NOD2: variants seen among roughly 807,000 people sequenced by gnomAD.
NOD2 encodes the protein nucleotide binding oligomerization domain containing 2.
Under a neutral mutation model 90.9 loss-of-function variants are expected in NOD2, and 86 were observed. That is an observed-to-expected ratio of 0.95 (90% CI 0.79 to 1.13). NOD2 has a LOEUF of 1.13. Among genes scored for constraint, NOD2 ranks in the 50% most tolerant of loss-of-function variants. The probability of loss-of-function intolerance (pLI) is 0.00; values close to 1 mark genes in which losing one functional copy is unlikely to be tolerated. For synonymous variants in NOD2, 581 were observed against 554.6 expected, an observed-to-expected ratio of 1.05 and a Z score of -0.67; for missense variants, 1,238 against 1,283.8, an observed-to-expected ratio of 0.96 and a Z score of 0.55.
chr16:50,712,067 T>TC lies in NOD2; in HGVS notation c.2077dup (p.His693ProfsTer10). On this transcript the variant is annotated frameshift_variant, in exon 4 of 12. Coordinates refer to ENST00000647318, the MANE Select transcript of NOD2 (RefSeq NM_001370466.1). LOFTEE classifies it high-confidence loss of function. ...CTGGCCCGCAGCCTCCGCAAGCACT[T>TC]CCACTCCATCCCGCCAGCTGCACCG... 1 of 1,613,408 alleles carries TC rather than the reference T, an allele frequency of 6.2e-7. No homozygotes were observed. The highest frequency in any genetic ancestry group is 2.2e-5 in the East Asian group (1 of 44,886).
Position 50,716,670 on chromosome 16 carries a change from C to G in NOD2, c.2465C>G (p.Ala822Gly), listed in dbSNP as rs104895486. The change falls in exon 5 of 12, where the codon GCT becomes GGT. Residue 822 changes from alanine (A) to glycine (G), a missense_variant and splice_region_variant. Physicochemically the swap from Ala to Gly is moderately conservative, Grantham distance 60. Transcript: ENST00000647318. ...ALHCEQLQKL[A>G]LFNNKLTDGC... ...CACTGCGAGCAATTGCAGAAGTTAG[C>G]GTAAGTCAGCCTGGGCTGTGGACAA... The G allele has an allele frequency of 6.2e-7, 1 of 1,613,900 alleles. No individual in the cohort carries two copies. The highest frequency in any genetic ancestry group is 1.1e-5 in the South Asian group (1 of 91,060).
At chr16:50,714,602 C>CTGTGTGTGTGTGTGTGTGTGTG (rs67559630) in intron 4 of NOD2, among the ~76,000 whole-genome samples, 1 of 135,896 alleles carries the variant, frequency 7.4e-6, no homozygotes, top group East Asian at 2.2e-4. Flanking sequence ...TGTGAGTGCA[C>CTGTGTGTGTGTGTGTGTGTGTG]TGTGTGTGTG....
intron 6 of NOD2, chr16:50,719,663 C>G: frequency 1.6e-6 from 1 of 616,108 alleles, no homozygotes; most frequent in Admixed American, 2.1e-5. Context: ...CCCAGGACAG[C>G]TGCCTACTGT....
intron 3 of NOD2, among the ~76,000 whole-genome samples, chr16:50,709,201 G>C (rs1036029804): frequency 3.3e-5 from 5 of 152,192 alleles, no homozygotes; most frequent in African/African-American, 1.2e-4. Context: ...GGTATATTCA[G>C]AGGGCAGAAA....
At chr16:50,715,420 CT>C (rs67189633) in intron 4 of NOD2, among the ~76,000 whole-genome samples, 50,187 of 146,572 alleles carry the variant, frequency 0.34, 8,775 homozygotes, top group Non-Finnish European at 0.39. Flanking sequence ...ATTGTTCCCT[CT>C]TTTTTTTTTT....
Position 50,729,856 on chromosome 16 carries a change from C to G in NOD2, c.2924C>G (p.Ala975Gly). ...NNCITYLGAE[A>G]LLQALERNDT... ...TGCATCACCTACCTAGGGGCAGAAG[C>G]CCTCCTGCAGGCCCTTGAAAGGAAT... Residue 975 changes from alanine to glycine, a missense_variant, in exon 11 of 12, where the codon GCC becomes GGC. Coordinates refer to ENST00000647318, the MANE Select transcript of NOD2 (RefSeq NM_001370466.1). The G allele has an allele frequency of 1.2e-6, 2 of 1,613,114 alleles. No homozygotes were observed. The highest frequency in any genetic ancestry group is 8.5e-7 in the Non-Finnish European group (1 of 1,179,248).
chr16:50,719,863 A>C, intron 6 of NOD2, 62 bp from the exon 7 acceptor site: 1 of 1,466,424 alleles, frequency 6.8e-7, no homozygotes. Flanking sequence ...GCCAGGGCAC[A>C]GACGGCCCTC....
intron 11 of NOD2, among the ~76,000 whole-genome samples, chr16:50,731,433 G>T (rs1481364286): frequency 1.3e-5 from 2 of 152,180 alleles, no homozygotes; most frequent in Non-Finnish European, 2.9e-5. Context: ...GGGCACCAGG[G>T]TTTGCTCATT....
intron 4 of NOD2, among the ~76,000 whole-genome samples, chr16:50,714,127 C>G (rs1056650734): frequency 6.6e-6 from 1 of 152,232 alleles, no homozygotes; most frequent in Non-Finnish European, 1.5e-5. Context: ...CCAGGCATCA[C>G]TGGCCTGTGT....
At chr16:50,708,022 G>A (rs977170173) in intron 3 of NOD2, 62 bp downstream of exon 3, 68 of 1,149,652 alleles carry the variant, frequency 5.9e-5, no homozygotes, top group Non-Finnish European at 4.4e-5. Flanking sequence ...CCATGGTTAA[G>A]AGCAGAACAC....
At chr16:50,723,073 G>A (rs1399493620) in intron 8 of NOD2, among the ~76,000 whole-genome samples, 8 of 83,476 alleles carry the variant, frequency 9.6e-5, no homozygotes, top group Non-Finnish European at 1.5e-4. Context: ...AATTAGTGAT[G>A]TCTAAAAAAG....
intron 3 of NOD2, among the ~76,000 whole-genome samples, chr16:50,708,431 A>T (rs1964301748): frequency 6.6e-6 from 1 of 152,110 alleles, no homozygotes; most frequent in Non-Finnish European, 1.5e-5. Flanking sequence ...AGGGGCTTGG[A>T]CCGCACCACT....
intron 2 of NOD2, among the ~76,000 whole-genome samples, chr16:50,703,173 G>A (rs1285993009): frequency 6.6e-6 from 1 of 152,190 alleles, no homozygotes; most frequent in Non-Finnish European, 1.5e-5. Context: ...GCCAGTACCT[G>A]GGGCCTTCTT....
chr16:50,708,643 G>A (rs1200682475), intron 3 of NOD2, among the ~76,000 whole-genome samples: 2 of 152,224 alleles, frequency 1.3e-5, no homozygotes, highest in Non-Finnish European at 2.9e-5. Context: ...AGAAATGTCA[G>A]TTGTAAAGAG....
intron 5 of NOD2, 38 bp downstream of exon 5, chr16:50,716,708 G>A (rs1323112504): frequency 6.3e-7 from 1 of 1,599,688 alleles, no homozygotes; most frequent in Admixed American, 1.7e-5. Context: ...GGCTCCAAGT[G>A]CCCTGGTCTC....
In NOD2 at chr16:50,710,563, A is replaced by G. The variant is rs1157758358; in HGVS notation, c.571A>G (p.Thr191Ala). Residue 191 changes from threonine (T) to alanine (A), a missense_variant, in exon 4 of 12, where the codon ACA becomes GCA. Physicochemically the swap from Thr to Ala is moderately conservative, Grantham distance 58. Coordinates refer to ENST00000647318, the MANE Select transcript of NOD2 (RefSeq NM_001370466.1). Reference protein sequence around the residue: ...VPLALPLEAATCKKYMAKLRT... With the variant: ...VPLALPLEAAACKKYMAKLRT... ...CCTCTTCTTCTGCCTTCCAGCTGCC[A>G]CATGCAAGAAGTATATGGCCAAGCT... 3 of 1,614,166 alleles carry G rather than the reference A, an allele frequency of 1.9e-6. No individual in the cohort carries two copies.
At chr16:50,694,212 T>G (rs150194835) in intron 1 of NOD2, among the ~76,000 whole-genome samples, 1 of 152,218 alleles carries the variant, frequency 6.6e-6, no homozygotes. Context: ...GGGGAGGACC[T>G]CCTGAAGCTG....
rs886052044 is a variant in NOD2 at position 50,719,926 on chromosome 16, C to T, written c.2551C>T (p.Leu851=). The change falls in exon 7 of 12, where the codon CTG becomes TTG. Residue 851 remains leucine, a splice_region_variant and synonymous_variant. Transcript: ENST00000647318. ...ACRQNFLALR[L]GNNYITAAGA... is the part of the protein sequence containing the mutation. ...AGCCTCCTCTGTCTTCCCTTCCAGG[C>T]TGGGGAATAACTACATCACTGCCGC... 1 of 1,614,094 alleles carries T rather than the reference C, an allele frequency of 6.2e-7. No individual in the cohort carries two copies.
chr16:50,694,142 C>T (rs1173121857), intron 1 of NOD2, among the ~76,000 whole-genome samples: 1 of 152,154 alleles, frequency 6.6e-6, no homozygotes, highest in Non-Finnish European at 1.5e-5. Flanking sequence ...GTTGATGGAG[C>T]AGCCATCTGG....
Sources: allele counts gnomAD v4.1 joint callset (sites outside exome capture counted in the v4.1 genomes callset), GRCh38; gene constraint gnomAD v4.1.1; transcripts MANE v1.5; gene names NCBI Gene and HGNC (gene_info 2026-07-23, HGNC 2026-07-21).